NXPH1: variants seen among roughly 807,000 people sequenced by gnomAD.
NXPH1 encodes the protein neurexophilin-1.
A neutral mutation model predicts 23.7 loss-of-function variants in NXPH1; 5 were observed. The ratio of observed to expected loss-of-function variants is 0.21; its 90% CI spans 0.11 to 0.44. The LOEUF (loss-of-function observed/expected upper bound fraction) is 0.44, where lower values mean the gene tolerates loss of function less well. Among genes scored for constraint, NXPH1 ranks in the 20% least tolerant of loss-of-function variants. The pLI is 0.99. For missense variants in NXPH1, 324 were observed against 321.6 expected, an observed-to-expected ratio of 1.01 and a Z score of -0.06; for synonymous variants, 144 against 122.2, an observed-to-expected ratio of 1.18 and a Z score of -1.18.
At chr7:8,644,165 AAG>A (rs1820359870) in intron 2 of NXPH1, among the ~76,000 whole-genome samples, 1 of 152,170 alleles carries the variant, frequency 6.6e-6, no homozygotes, top group Admixed American at 6.5e-5. Context: ...CCTCTCATGG[AAG>A]AGTTTTCTTT....
At chr7:8,582,342 A>C (rs1395821039) in intron 2 of NXPH1, among the ~76,000 whole-genome samples, 1 of 152,118 alleles carries the variant, frequency 6.6e-6, no homozygotes, top group Non-Finnish European at 1.5e-5. Context: ...CAGTCCTGCC[A>C]TTTGGCAGGT....
At chr7:8,606,307 C>T (rs989410542) in intron 2 of NXPH1, among the ~76,000 whole-genome samples, 1 of 152,068 alleles carries the variant, frequency 6.6e-6, no homozygotes, top group Non-Finnish European at 1.5e-5. Context: ...GAAAACTCTT[C>T]TCCTTTTCCC....
chr7:8,708,594 T>G (rs2115194521), intron 2 of NXPH1, among the ~76,000 whole-genome samples: 1 of 152,198 alleles, frequency 6.6e-6, no homozygotes, highest in East Asian at 1.9e-4. Flanking sequence ...ACTCCTGATC[T>G]CAGGTGATTT....
chr7:8,745,860 C>T (rs1231401206), intron 2 of NXPH1, among the ~76,000 whole-genome samples: 1 of 151,828 alleles, frequency 6.6e-6, no homozygotes, highest in Non-Finnish European at 1.5e-5. Context: ...AGCTACTGTC[C>T]CCGGCCCTGT....
At chr7:8,532,808 C>A (rs1386363398) in intron 2 of NXPH1, among the ~76,000 whole-genome samples, 1 of 152,074 alleles carries the variant, frequency 6.6e-6, no homozygotes, top group Non-Finnish European at 1.5e-5. Flanking sequence ...TTTATACCTC[C>A]GTTTTCTCAT....
chr7:8,507,885 A>G (rs549140287), intron 2 of NXPH1, among the ~76,000 whole-genome samples: 1 of 152,236 alleles, frequency 6.6e-6, no homozygotes, highest in South Asian at 2.1e-4. Context: ...TGAATGAGAA[A>G]GCTCAGAAAA....
intron 2 of NXPH1, among the ~76,000 whole-genome samples, chr7:8,489,710 C>T (rs896088827): frequency 1.3e-5 from 2 of 152,084 alleles, no homozygotes; most frequent in Non-Finnish European, 2.9e-5. Context: ...TACTCAGACT[C>T]ATGGCATATT....
intron 2 of NXPH1, among the ~76,000 whole-genome samples, chr7:8,633,993 G>A (rs995872193): frequency 6.6e-6 from 1 of 152,132 alleles, no homozygotes; most frequent in Non-Finnish European, 1.5e-5. Flanking sequence ...TTCCTATTAT[G>A]GGGTCATTTA....
At chr7:8,622,061 G>T (rs1055974411) in intron 2 of NXPH1, among the ~76,000 whole-genome samples, 9 of 152,074 alleles carry the variant, frequency 5.9e-5, no homozygotes, top group Non-Finnish European at 1.0e-4. Flanking sequence ...TTAATATTCG[G>T]AGTTACTACT....
At chr7:8,440,290 T>C (rs1444811232) in intron 2 of NXPH1, among the ~76,000 whole-genome samples, 4 of 152,180 alleles carry the variant, frequency 2.6e-5, no homozygotes, top group Admixed American at 2.0e-4. Context: ...AGCACTTGGG[T>C]GGGACACTTT....
intron 2 of NXPH1, among the ~76,000 whole-genome samples, chr7:8,511,975 G>A (rs775361844): frequency 2.6e-5 from 4 of 152,098 alleles, no homozygotes; most frequent in Non-Finnish European, 4.4e-5. Flanking sequence ...GGCCCTTGGC[G>A]CTCAGCCAGG....
At position 8,575,000 on chromosome 7, in the gene NXPH1, A is replaced by G. The variant is rs148175219; in HGVS notation, c.54+139233A>G. Among the ~76,000 whole-genome samples the G allele has an allele frequency of 7.9e-4, 121 of 152,320 alleles. 2 individuals are homozygous for G. Among genetic ancestry groups the G allele is most frequent in the African/African-American group, 2.9e-3 (120 of 41,560 alleles). On this transcript the variant is annotated intron_variant, in intron 2 of 2. Coordinates refer to ENST00000405863, the MANE Select transcript of NXPH1 (RefSeq NM_152745.3). ...GAGTGAGGTACTCCTTCGACATTAT[A>G]GCATTCGTCGGAGACGTTCTGTTAA...
rs186529693 is a variant in NXPH1 at position 8,531,764 on chromosome 7, T to A, written c.54+95997T>A. Among the ~76,000 whole-genome samples, 64 of 152,314 alleles carry A rather than the reference T, an allele frequency of 4.2e-4. No individual in the cohort carries two copies. In the East Asian group the frequency reaches 4.8e-3, roughly 11 times the overall value. On this transcript the variant is annotated intron_variant, in intron 2 of 2. Transcript: ENST00000405863. Reference sequence around the variant, plus strand: ...TAATATATTTTGGGGATGCCTCCATTGTGACAATGACTTCTCTTAAATAAT... The same window carrying A: ...TAATATATTTTGGGGATGCCTCCATAGTGACAATGACTTCTCTTAAATAAT...
At chr7:8,570,807 G>C (rs1216209545) in intron 2 of NXPH1, among the ~76,000 whole-genome samples, 1 of 151,812 alleles carries the variant, frequency 6.6e-6, no homozygotes, top group Non-Finnish European at 1.5e-5. Flanking sequence ...AACAGGGCAT[G>C]ATACAGTCAT....
intron 2 of NXPH1, among the ~76,000 whole-genome samples, chr7:8,583,884 T>A (rs1818929527): frequency 2.0e-5 from 3 of 152,160 alleles, no homozygotes; most frequent in Admixed American, 2.0e-4. Context: ...GAGCTCTTTG[T>A]TGGATATGGA....
intron 2 of NXPH1, among the ~76,000 whole-genome samples, chr7:8,594,361 C>T (rs751114104): frequency 2.0e-5 from 3 of 152,024 alleles, no homozygotes; most frequent in Non-Finnish European, 2.9e-5. Flanking sequence ...TCATTGTTGA[C>T]GATGGTAAAC....
chr7:8,442,737 G>A lies in NXPH1; in HGVS notation c.54+6970G>A, dbSNP rs1816324188. 6.6e-6 allele frequency among the ~76,000 whole-genome samples: 1 copy of A among 152,242 alleles called. No homozygotes were observed. The highest frequency in any genetic ancestry group is 1.5e-5 in the Non-Finnish European group (1 of 68,034). ...TTATTGTCTGCTTTCAGTCGCAGGT[G>A]ACCTCGAGCGATCTCGACAGGTTTA... On this transcript the variant is annotated intron_variant, in intron 2 of 2. Transcript: ENST00000405863. The surrounding 1 kb of genome is among the most constrained non-coding windows in gnomAD (Gnocchi z 4.6).
At chr7:8,595,438 A>C (rs1457403550) in intron 2 of NXPH1, among the ~76,000 whole-genome samples, 1 of 152,024 alleles carries the variant, frequency 6.6e-6, no homozygotes, top group East Asian at 1.9e-4. Flanking sequence ...GAAAAATGAC[A>C]ACCATCTGGA....
chr7:8,529,315 T>A (rs1360041008), intron 2 of NXPH1, among the ~76,000 whole-genome samples: 2 of 152,258 alleles, frequency 1.3e-5, no homozygotes, highest in Admixed American at 1.3e-4. Context: ...GTCATAGATA[T>A]GGCACCAGGG....
Sources: gnomAD v4.1 joint callset for allele counts (sites outside exome capture counted in the v4.1 genomes callset) on GRCh38, gnomAD v4.1.1 for gene constraint, Gnocchi (gnomAD v3.1) non-coding constraint, MANE v1.5 for transcripts, NCBI Gene and HGNC (gene_info 2026-07-23, HGNC 2026-07-21) for gene names.